The following CA10 variants were observed in gnomAD, a reference collection of about 807,000 sequenced individuals.
CA10 encodes carbonic anhydrase-related protein 10.
A neutral mutation model predicts 44.2 loss-of-function variants in CA10; 14 were observed. The observed-to-expected ratio is 0.32, with a 90% confidence interval of 0.21 to 0.50. The LOEUF (loss-of-function observed/expected upper bound fraction) is 0.50. Among genes scored for constraint, CA10 ranks in the 20% least tolerant of loss-of-function variants. CA10 has a pLI of 0.99. For missense variants in CA10, 350 were observed against 409.7 expected, an observed-to-expected ratio of 0.85 and a Z score of 1.26; for synonymous variants, 159 against 141.6, an observed-to-expected ratio of 1.12 and a Z score of -0.87.
At position 52,116,610 on chromosome 17, in the gene CA10, A is replaced by G. The variant is rs1988903365; in HGVS notation, c.61+41116T>C. 2.0e-5 allele frequency among the ~76,000 whole-genome samples: 3 copies of G among 152,250 alleles called. No individual in the cohort carries two copies. The South Asian group carries it at 6.2e-4, about 32-fold the overall frequency. ...AAAAAGGATGCTTTTTCCTTCTCTC[A>G]CTCATATAGCCTGGGTATTCACTAA... On this transcript the variant is annotated intron_variant, in intron 1 of 8. Transcript: ENST00000451037.
At chr17:52,082,888 ATC>A (rs1388968387) in intron 1 of CA10, among the ~76,000 whole-genome samples, 2 of 152,272 alleles carry the variant, frequency 1.3e-5, no homozygotes, top group African/African-American at 4.8e-5. Context: ...ACTATTATTT[ATC>A]TGTTTGGAAT....
intron 1 of CA10, among the ~76,000 whole-genome samples, chr17:52,122,095 G>C (rs947243617): frequency 6.6e-6 from 1 of 152,206 alleles, no homozygotes; most frequent in Admixed American, 6.5e-5. Flanking sequence ...AGGGAGAAGA[G>C]TAAGAAAAAG....
chr17:51,850,201 G>C (rs967485152), intron 3 of CA10, among the ~76,000 whole-genome samples: 1 of 152,206 alleles, frequency 6.6e-6, no homozygotes, highest in African/African-American at 2.4e-5. Context: ...GCCTGGAAAA[G>C]CATTTCTATG....
intron 2 of CA10, among the ~76,000 whole-genome samples, chr17:52,021,419 T>A (rs1414897786): frequency 6.6e-6 from 1 of 152,118 alleles, no homozygotes; most frequent in Admixed American, 6.6e-5. Context: ...TAATTTATAT[T>A]CCCACCAACA....
chr17:52,106,159 A>G (rs546692523), intron 1 of CA10, among the ~76,000 whole-genome samples: 1 of 152,334 alleles, frequency 6.6e-6, no homozygotes, highest in East Asian at 1.9e-4. Context: ...TAAATGCACA[A>G]ACGAATGGAT....
At chr17:52,090,416 GATCA>G (rs1988228142) in intron 1 of CA10, among the ~76,000 whole-genome samples, 1 of 152,196 alleles carries the variant, frequency 6.6e-6, no homozygotes, top group South Asian at 2.1e-4. Context: ...GTAATTGACA[GATCA>G]ATTAAACAGC....
chr17:51,828,036 T>C (rs1255923240), intron 3 of CA10, among the ~76,000 whole-genome samples: 1 of 152,148 alleles, frequency 6.6e-6, no homozygotes, highest in African/African-American at 2.4e-5. Flanking sequence ...TACATGAACT[T>C]CCACTACACC....
At chr17:51,912,346 GAAGGAGGCTC>G (rs1482544599) in intron 3 of CA10, among the ~76,000 whole-genome samples, 7 of 152,158 alleles carry the variant, frequency 4.6e-5, no homozygotes, top group Non-Finnish European at 1.0e-4. Flanking sequence ...TACAAGTCAG[GAAGGAGGCTC>G]AAGGAGGTAA....
intron 6 of CA10, among the ~76,000 whole-genome samples, chr17:51,638,470 C>T (rs1040621778): frequency 6.6e-6 from 1 of 152,226 alleles, no homozygotes; most frequent in Non-Finnish European, 1.5e-5. Context: ...ATATGGCCAG[C>T]CTGGGTCTGC....
At chr17:51,806,680 C>T (rs968580006) in intron 3 of CA10, among the ~76,000 whole-genome samples, 4 of 152,156 alleles carry the variant, frequency 2.6e-5, no homozygotes, top group Admixed American at 2.6e-4. Context: ...TGTTTTGAAT[C>T]CCCACAACAA....
At chr17:51,643,671 A>C (rs1217726601) in intron 6 of CA10, among the ~76,000 whole-genome samples, 1 of 152,202 alleles carries the variant, frequency 6.6e-6, no homozygotes. Context: ...TAAAACAAGC[A>C]AATTCTGTTG....
At chr17:51,728,439 A>G (rs1274523392) in intron 4 of CA10, among the ~76,000 whole-genome samples, 1 of 152,156 alleles carries the variant, frequency 6.6e-6, no homozygotes, top group African/African-American at 2.4e-5. Context: ...TGTCATCTCT[A>G]TTCAGTCTCC....
intron 3 of CA10, among the ~76,000 whole-genome samples, chr17:51,874,323 C>T (rs1979950717): frequency 6.6e-6 from 1 of 151,118 alleles, no homozygotes; most frequent in Non-Finnish European, 1.5e-5. Context: ...TGTCCAACCC[C>T]TAATATCATC....
chr17:52,049,669 T>C (rs917452845), intron 2 of CA10, among the ~76,000 whole-genome samples: 3 of 152,090 alleles, frequency 2.0e-5, no homozygotes, highest in African/African-American at 7.2e-5. Flanking sequence ...ATAAATATCA[T>C]TTGTATGTTG....
At chr17:52,140,744 G>A (rs373181536) in intron 1 of CA10, among the ~76,000 whole-genome samples, 7 of 152,256 alleles carry the variant, frequency 4.6e-5, no homozygotes, top group South Asian at 4.2e-4. Context: ...GCTCCTGTGA[G>A]CCCTGTAGGG....
At chr17:51,736,872 G>A (rs1055754127) in intron 4 of CA10, among the ~76,000 whole-genome samples, 2 of 152,134 alleles carry the variant, frequency 1.3e-5, no homozygotes, top group African/African-American at 2.4e-5. Context: ...AGGAATGAAG[G>A]TCCTCCGCAG....
At chr17:52,094,836 C>T (rs1464535052) in intron 1 of CA10, among the ~76,000 whole-genome samples, 1 of 152,112 alleles carries the variant, frequency 6.6e-6, no homozygotes, top group Non-Finnish European at 1.5e-5. Context: ...TGTGGTGCAA[C>T]TGGAATTCTC....
intron 4 of CA10, among the ~76,000 whole-genome samples, chr17:51,718,643 C>G (rs900903330): frequency 3.9e-5 from 6 of 152,164 alleles, no homozygotes; most frequent in African/African-American, 1.4e-4. Context: ...AAAAAGTGGT[C>G]ATGGGAACAT....
At chr17:51,702,029 A>C (rs778855292) in intron 4 of CA10, among the ~76,000 whole-genome samples, 45 of 152,140 alleles carry the variant, frequency 3.0e-4, no homozygotes, top group Non-Finnish European at 6.2e-4. Context: ...GACCCCTACC[A>C]TGTGAGAGTC....
Sources: allele counts gnomAD v4.1 joint callset (sites outside exome capture counted in the v4.1 genomes callset), GRCh38; gene constraint gnomAD v4.1.1; transcripts MANE v1.5; gene names NCBI Gene and HGNC (gene_info 2026-07-23, HGNC 2026-07-21).